The following MGST3 variants were observed in gnomAD, a reference collection of about 807,000 sequenced individuals.
The protein encoded by MGST3 is microsomal glutathione S-transferase 3, also known as glutathione S-transferase 3, mitochondrial.
In MGST3, 13 loss-of-function variants were observed where a neutral mutation model predicts 15.8. The ratio of observed to expected loss-of-function variants is 0.82; its 90% CI spans 0.54 to 1.31. The LOEUF is 1.31. Ranked by LOEUF, MGST3 falls within the 50% of genes most tolerant of loss-of-function variation. The pLI is 0.00. For synonymous variants in MGST3, 49 were observed against 68.1 expected, an observed-to-expected ratio of 0.72 and a Z score of 1.38; for missense variants, 155 against 192.4, an observed-to-expected ratio of 0.81 and a Z score of 1.15.
At chr1:165,652,193 A>G (rs558513577) in intron 4 of MGST3, among the ~76,000 whole-genome samples, 158 bp downstream of exon 4, 67 of 152,332 alleles carry the variant, frequency 4.4e-4, no homozygotes, top group African/African-American at 1.6e-3. Context: ...GAGTTCTTTA[A>G]AGGAGATGGG....
At chr1:165,649,590 A>G (rs779056969) in intron 1 of MGST3, 3 of 460,908 alleles carry the variant, frequency 6.5e-6, no homozygotes, top group Non-Finnish European at 1.2e-5. Flanking sequence ...AGAATCTCCC[A>G]GGCACAAAAG....
At position 165,656,121 on chromosome 1, in the gene MGST3, T is replaced by TTAAG. The variant is rs1648700842; in HGVS notation, c.*619_*622dup. On this transcript the variant is annotated 3_prime_UTR_variant, in exon 6 of 6. Transcript: ENST00000367889. ...AGACCCTGTCTCAAATAAATAAAAA[T>TTAAG]TAAGTTTCTATTAAAGATTGTTTCT... 6.5e-6 allele frequency: 1 copy of TTAAG among 152,702 alleles called. No homozygotes were observed. Among genetic ancestry groups the TTAAG allele is most frequent in the Non-Finnish European group, 1.5e-5 (1 of 68,480 alleles). 9.5% of individuals were successfully genotyped at this position (152,702 alleles called of 1,614,324 possible).
At chr1:165,637,507 G>A (rs781202802) in intron 1 of MGST3, among the ~76,000 whole-genome samples, 8 of 152,196 alleles carry the variant, frequency 5.3e-5, no homozygotes, top group Non-Finnish European at 1.5e-5. Context: ...CAGCCAAGAG[G>A]AATTTGGGAA....
At chr1:165,650,904 A>G in intron 2 of MGST3, 110 bp from the exon 3 acceptor site, 1 of 903,058 alleles carries the variant, frequency 1.1e-6, no homozygotes, top group Non-Finnish European at 1.9e-6. Flanking sequence ...TCATCTATCA[A>G]GGGTGTGAAA....
At chr1:165,634,770 T>TCTCCCTCCCTCCCCCCCC (rs1553239139) in intron 1 of MGST3, among the ~76,000 whole-genome samples, 2 of 24,744 alleles carry the variant, frequency 8.1e-5, no homozygotes, top group African/African-American at 2.4e-4. Context: ...CCTCCCTCTC[T>TCTCCCTCCCTCCCCCCCC]CTCCCTCCCT....
At chr1:165,638,036 T>C (rs139931335) in intron 1 of MGST3, among the ~76,000 whole-genome samples, 1 of 152,290 alleles carries the variant, frequency 6.6e-6, no homozygotes, top group East Asian at 1.9e-4. Context: ...GCTTTTCTGC[T>C]ACCCCCCACG....
chr1:165,654,810 G>A (rs978433672), intron 5 of MGST3, among the ~76,000 whole-genome samples: 26 of 152,212 alleles, frequency 1.7e-4, no homozygotes, highest in South Asian at 2.1e-4. Flanking sequence ...CAATTGTAAC[G>A]AAACTTATTT....
intron 3 of MGST3, 85 bp from the exon 4 acceptor site, chr1:165,651,892 CA>C (rs58194137): frequency 0.015 from 6,978 of 470,924 alleles, 1 homozygote; most frequent in Non-Finnish European, 0.017. Context: ...CACTCCGTCT[CA>C]AAAAAAAAAA....
intron 2 of MGST3, chr1:165,650,175 C>CT (rs1372637859): frequency 3.2e-6 from 2 of 631,614 alleles, no homozygotes; most frequent in Non-Finnish European, 5.4e-6. Context: ...TCTTGTTTGA[C>CT]TTTGTCTCTT....
At position 165,654,487 on chromosome 1, in the gene MGST3, T is replaced by C. The variant is rs1648652769; in HGVS notation, c.322+136T>C. 3 of 786,716 alleles carry C rather than the reference T, an allele frequency of 3.8e-6. No homozygotes were observed. In the South Asian group the frequency reaches 4.1e-5, roughly 11 times the overall value. The allele number at this position is 786,716 out of a possible 1,614,324, so 48.7% of individuals were successfully genotyped here. Reference sequence around the variant, plus strand: ...AGGCAGATTGCTTGAGCTCAGGAGTTGGATACCAGCCTGGGCAACATGGTG... The same window carrying C: ...AGGCAGATTGCTTGAGCTCAGGAGTCGGATACCAGCCTGGGCAACATGGTG... On this transcript the variant is annotated intron_variant, in intron 5 of 5. Transcript: ENST00000367889.
At chr1:165,655,274 A>C in intron 5 of MGST3, 94 bp from the exon 6 acceptor site, 1 of 1,520,074 alleles carries the variant, frequency 6.6e-7, no homozygotes, top group Non-Finnish European at 9.0e-7. Context: ...TCTAATGTAC[A>C]ACCTCAGATG....
At chr1:165,634,922 C>T (rs1648068355) in intron 1 of MGST3, among the ~76,000 whole-genome samples, 1 of 151,638 alleles carries the variant, frequency 6.6e-6, no homozygotes, top group Non-Finnish European at 1.5e-5. Context: ...GGGAAGGAAT[C>T]ATTCTGAGAA....
At chr1:165,636,967 C>T (rs1213801813) in intron 1 of MGST3, 1 of 152,210 alleles carries the variant, frequency 6.6e-6, no homozygotes, top group African/African-American at 2.4e-5. Context: ...TCAGAGTGTT[C>T]TAAGCTACCG....
intron 1 of MGST3, among the ~76,000 whole-genome samples, chr1:165,637,618 T>TA (rs1419578725): frequency 1.3e-5 from 2 of 152,240 alleles, no homozygotes; most frequent in Non-Finnish European, 2.9e-5. Context: ...CCCAGTAAGA[T>TA]ACGTCAAATG....
At chr1:165,649,646 A>G in intron 1 of MGST3, 195 bp from the exon 2 acceptor site, 1 of 611,948 alleles carries the variant, frequency 1.6e-6, no homozygotes, top group Non-Finnish European at 2.8e-6. Context: ...TATAGACTGC[A>G]TAGTTGAGTA....
At chr1:165,649,627 T>G (rs1648500100) in intron 1 of MGST3, 1 of 556,136 alleles carries the variant, frequency 1.8e-6, no homozygotes, top group African/African-American at 1.9e-5. Flanking sequence ...GACTGTATAC[T>G]TTTCTGTGTA....
chr1:165,648,808 A>AAG (rs1218104908), intron 1 of MGST3: 1 of 152,218 alleles, frequency 6.6e-6, no homozygotes, highest in Non-Finnish European at 1.5e-5. Flanking sequence ...GGGATACTGA[A>AAG]AGGGAATATT....
chr1:165,631,835 C>T (rs1647953664), intron 1 of MGST3, among the ~76,000 whole-genome samples: 1 of 152,354 alleles, frequency 6.6e-6, no homozygotes, highest in African/African-American at 2.4e-5. Flanking sequence ...TGTTTGTTTT[C>T]CTCCTGCCTC....
chr1:165,635,126 G>C (rs1337758733), intron 1 of MGST3, among the ~76,000 whole-genome samples: 1 of 151,764 alleles, frequency 6.6e-6, no homozygotes, highest in Non-Finnish European at 1.5e-5. Context: ...GCTGCCTGCA[G>C]ACCATGGGAA....
Sources: gnomAD v4.1 joint callset for allele counts (sites outside exome capture counted in the v4.1 genomes callset) on GRCh38, gnomAD v4.1.1 for gene constraint, MANE v1.5 for transcripts, NCBI Gene and HGNC (gene_info 2026-07-23, HGNC 2026-07-21) for gene names.